DNAH11: variants seen among roughly 807,000 people sequenced by gnomAD.
DNAH11 encodes the protein axonemal beta dynein heavy chain 11.
A neutral mutation model predicts 526.0 loss-of-function variants in DNAH11; 442 were observed. The ratio of observed to expected loss-of-function variants is 0.84; its 90% CI spans 0.78 to 0.91. The LOEUF (loss-of-function observed/expected upper bound fraction) is 0.91. DNAH11 is among the 40% of genes least tolerant of loss of function. The probability of loss-of-function intolerance (pLI) is 0.00; values close to 1 mark genes in which losing one functional copy is unlikely to be tolerated. For synonymous variants in DNAH11, 2,461 were observed against 1,935.9 expected (o/e 1.27, Z -7.12); for missense variants, 6,989 against 5,448.7 (o/e 1.28, Z -8.90).
Position 21,640,078 on chromosome 7 carries a change from G to A in DNAH11, c.4944+1013G>A, listed in dbSNP as rs187952914. Among the ~76,000 whole-genome samples, 20 of 152,242 alleles carry A rather than the reference G, an allele frequency of 1.3e-4. No individual in the cohort carries two copies. In the East Asian group the frequency reaches 3.7e-3, roughly 28 times the overall value. On this transcript the variant is annotated intron_variant, in intron 28 of 81. Coordinates refer to ENST00000409508, the MANE Select transcript of DNAH11 (RefSeq NM_001277115.2). ...TTGTTGATAATACAAGTGCAGTCGT[G>A]CTGTTAGTAACAGAATTGTTGGACA...
rs17145107 is a variant in DNAH11, at chr7:21,715,245, A to C, written c.6984-2530A>C. On this transcript the variant is annotated intron_variant, in intron 42 of 81. Transcript: ENST00000409508. Reference sequence around the variant, plus strand: ...CCAACCCCAGAGGCCTGAGTAATAAATAAAAAGTTTTCAGAGGTCTGAGAA... The same window carrying C: ...CCAACCCCAGAGGCCTGAGTAATAACTAAAAAGTTTTCAGAGGTCTGAGAA... Among the ~76,000 whole-genome samples the C allele has an allele frequency of 8.9e-3, 1,354 of 152,342 alleles. 112 individuals are homozygous for C. The East Asian group carries it at 0.21, about 24-fold the overall frequency.
chr7:21,763,598 T>G (rs921108550), intron 54 of DNAH11, among the ~76,000 whole-genome samples: 1 of 151,494 alleles, frequency 6.6e-6, no homozygotes, highest in Non-Finnish European at 1.5e-5. Context: ...AGTATGGTCG[T>G]TCCTCAAAAA....
chr7:21,745,379 G>A (rs1384457902), intron 51 of DNAH11, among the ~76,000 whole-genome samples: 1 of 152,174 alleles, frequency 6.6e-6, no homozygotes, highest in Non-Finnish European at 1.5e-5. Flanking sequence ...TGATTAAGCA[G>A]GTTTTGTTGA....
intron 14 of DNAH11, among the ~76,000 whole-genome samples, chr7:21,592,058 G>GA (rs906876628): frequency 8.6e-5 from 13 of 150,914 alleles, no homozygotes; most frequent in African/African-American, 1.2e-4. Context: ...AGAGAAAACA[G>GA]AAAAAAAACA....
At chr7:21,776,159 A>G (rs921580251) in intron 56 of DNAH11, among the ~76,000 whole-genome samples, 1 of 152,184 alleles carries the variant, frequency 6.6e-6, no homozygotes, top group Admixed American at 6.6e-5. Flanking sequence ...TGCCAAGTCC[A>G]GGGCTGCTTG....
intron 7 of DNAH11, chr7:21,570,601 A>T (rs1307142355): frequency 4.5e-6 from 1 of 220,782 alleles, no homozygotes; most frequent in African/African-American, 2.3e-5. Context: ...TAAGTCAGGA[A>T]GCAGTAAGCT....
intron 62 of DNAH11, among the ~76,000 whole-genome samples, chr7:21,806,554 T>G (rs1455648353): frequency 1.3e-5 from 2 of 152,208 alleles, no homozygotes; most frequent in South Asian, 2.1e-4. Context: ...GATATTAAGA[T>G]AGCTTGCAGG....
intron 6 of DNAH11, among the ~76,000 whole-genome samples, chr7:21,567,833 G>A (rs1199817644): frequency 2.0e-5 from 3 of 152,232 alleles, no homozygotes; most frequent in African/African-American, 4.8e-5. Flanking sequence ...GGCATCACCT[G>A]TTCACCTTGC....
intron 25 of DNAH11, among the ~76,000 whole-genome samples, chr7:21,626,005 G>A (rs944483275): frequency 1.3e-5 from 2 of 152,094 alleles, no homozygotes; most frequent in African/African-American, 4.8e-5. Flanking sequence ...CATATAAAAT[G>A]TAAAGATCAA....
chr7:21,644,810 C>T (rs1787279635), intron 28 of DNAH11, among the ~76,000 whole-genome samples: 1 of 152,182 alleles, frequency 6.6e-6, no homozygotes, highest in Non-Finnish European at 1.5e-5. Flanking sequence ...AATATAAAGG[C>T]AGCCTGATTC....
At chr7:21,720,628 G>T in intron 43 of DNAH11, 97 bp from the exon 44 acceptor site, 1 of 1,319,460 alleles carries the variant, frequency 7.6e-7, no homozygotes, top group Non-Finnish European at 1.0e-6. Flanking sequence ...GAAAAACTAT[G>T]TACTCTCTTA....
Position 21,687,972 on chromosome 7 carries a change from G to C in DNAH11, c.5924+445G>C, listed in dbSNP as rs528503952. On this transcript the variant is annotated intron_variant, in intron 34 of 81. Transcript: ENST00000409508. ...AGTTATTTTTGAGGCTGAGGCAAGA[G>C]GATTGCTTGAGCCCAGGAGGTCAAG... Among the ~76,000 whole-genome samples the C allele has an allele frequency of 6.6e-5, 10 of 152,250 alleles. No individual in the cohort carries two copies. In the South Asian group the frequency reaches 2.1e-3, roughly 32 times the overall value.
chr7:21,659,464 A>T (rs1448736166), intron 30 of DNAH11, among the ~76,000 whole-genome samples: 3 of 151,962 alleles, frequency 2.0e-5, no homozygotes, highest in Admixed American at 2.0e-4. Context: ...TTGAAAAATA[A>T]TCTATTTTGA....
At chr7:21,735,032 T>G (rs770925005) in intron 45 of DNAH11, among the ~76,000 whole-genome samples, 2 of 151,714 alleles carry the variant, frequency 1.3e-5, no homozygotes, top group Non-Finnish European at 2.9e-5. Flanking sequence ...TAGCCGGGCG[T>G]GGTGGTGCAC....
At chr7:21,553,647 G>C (rs1783106106) in intron 2 of DNAH11, among the ~76,000 whole-genome samples, 1 of 152,104 alleles carries the variant, frequency 6.6e-6, no homozygotes, top group Non-Finnish European at 1.5e-5. Context: ...AAAATGCCCT[G>C]GCTTTACATA....
chr7:21,758,896 C>A (rs1336240261), intron 54 of DNAH11, among the ~76,000 whole-genome samples: 1 of 152,144 alleles, frequency 6.6e-6, no homozygotes, highest in Non-Finnish European at 1.5e-5. Context: ...GTAGAGTTAT[C>A]CCATTGCGTC....
intron 42 of DNAH11, among the ~76,000 whole-genome samples, chr7:21,712,100 C>T (rs1381711363): frequency 1.3e-5 from 2 of 152,156 alleles, no homozygotes; most frequent in Non-Finnish European, 2.9e-5. Context: ...AATTAGACTA[C>T]TCTAGGTACC....
At chr7:21,619,829 C>T in intron 24 of DNAH11, 127 bp from the exon 25 acceptor site, 2 of 864,206 alleles carry the variant, frequency 2.3e-6, no homozygotes, top group Non-Finnish European at 3.5e-6. Context: ...GAGGAAAAAA[C>T]TCAAGCCAAT....
chr7:21,594,894 A>G (rs972464459), intron 14 of DNAH11, among the ~76,000 whole-genome samples: 2 of 152,044 alleles, frequency 1.3e-5, no homozygotes, highest in African/African-American at 4.8e-5. Context: ...GACACTGCAG[A>G]ATTTTGAGAT....
Sources: gnomAD v4.1 joint callset for allele counts (sites outside exome capture counted in the v4.1 genomes callset) on GRCh38, gnomAD v4.1.1 for gene constraint, MANE v1.5 for transcripts, NCBI Gene and HGNC (gene_info 2026-07-23, HGNC 2026-07-21) for gene names.